PKHD1: variants seen among roughly 807,000 people sequenced by gnomAD.
PKHD1 encodes fibrocystin.
PKHD1 carries 291 observed loss-of-function variants against 412.0 expected under a neutral mutation model. The observed-to-expected ratio is 0.71, with a 90% CI of 0.64 to 0.78. The LOEUF (loss-of-function observed/expected upper bound fraction) is 0.78. PKHD1 is among the 30% of genes least tolerant of loss of function. The pLI, the probability that PKHD1 is intolerant of heterozygous loss-of-function variation, is 0.00. For missense variants in PKHD1, 4,825 were observed against 4,950.7 expected (o/e 0.97, Z 0.76); for synonymous variants, 1,777 against 1,821.5 (o/e 0.98, Z 0.62).
intron 60 of PKHD1, among the ~76,000 whole-genome samples, chr6:51,685,713 C>T (rs766049200): frequency 5.7e-4 from 87 of 152,094 alleles, no homozygotes; most frequent in Non-Finnish European, 1.2e-3. Context: ...CCCGAAGCAA[C>T]TTCTTTGTTT....
At chr6:51,764,665 A>C (rs1166239131) in intron 55 of PKHD1, among the ~76,000 whole-genome samples, 1 of 152,046 alleles carries the variant, frequency 6.6e-6, no homozygotes, top group East Asian at 1.9e-4. Context: ...GAACCAACCC[A>C]AATGTCCAAC....
chr6:51,638,862 G>A lies in PKHD1; in HGVS notation c.11493C>T (p.Val3831=). 1.3e-6 allele frequency: 2 copies of A among 1,577,804 alleles called. No individual in the cohort carries two copies. Among genetic ancestry groups the A allele is most frequent in the Non-Finnish European group, 1.7e-6 (2 of 1,148,208 alleles). The part of the protein sequence containing the change: ...SGSNWHFIFT[V]TSPPGVNFTA... Reference sequence around the variant, plus strand: ...GTATAAAATTACCTGGAGGAGAAGTGACAGTAAAAATAAAGTGCCAGTTTG... The same window carrying A: ...GTATAAAATTACCTGGAGGAGAAGTAACAGTAAAAATAAAGTGCCAGTTTG... Residue 3831 remains valine, a synonymous_variant, in exon 64 of 67, where the codon GTC becomes GTT. Transcript: ENST00000371117.
chr6:51,854,234 A>G (rs1269020691), intron 49 of PKHD1, among the ~76,000 whole-genome samples: 1 of 151,798 alleles, frequency 6.6e-6, no homozygotes, highest in Non-Finnish European at 1.5e-5. Flanking sequence ...GGCCCTATTC[A>G]TCTGATTTGC....
chr6:51,936,350 GT>G (rs1787478780), intron 36 of PKHD1, among the ~76,000 whole-genome samples: 1 of 152,212 alleles, frequency 6.6e-6, no homozygotes, highest in African/African-American at 2.4e-5. Flanking sequence ...AGATAGCAAA[GT>G]ATCAGAAATG....
chr6:51,638,124 T>C (rs2150325201), intron 64 of PKHD1, among the ~76,000 whole-genome samples: 1 of 152,334 alleles, frequency 6.6e-6, no homozygotes, highest in African/African-American at 2.4e-5. Flanking sequence ...TTTTATATAG[T>C]TAAGGATGCA....
intron 46 of PKHD1, among the ~76,000 whole-genome samples, chr6:51,881,250 C>T (rs1018396052): frequency 6.6e-6 from 1 of 151,636 alleles, no homozygotes; most frequent in South Asian, 2.1e-4. Context: ...GAATTTTATT[C>T]TGTATATTTG....
At chr6:52,056,583 T>C in intron 18 of PKHD1, 115 bp downstream of exon 18, 6 of 864,072 alleles carry the variant, frequency 6.9e-6, no homozygotes, top group Middle Eastern at 2.7e-4. Flanking sequence ...CCAGGTTTCA[T>C]ATTTTTTTTT....
chr6:51,981,248 A>C lies in PKHD1; in HGVS notation c.5752-21222T>G, dbSNP rs187662804. Among the ~76,000 whole-genome samples the C allele has an allele frequency of 6.5e-4, 68 of 103,822 alleles. 1 individual carries two copies. The highest frequency in any genetic ancestry group is 1.9e-3 in the African/African-American group (68 of 36,220). 68.1% of individuals were successfully genotyped at this position (103,822 alleles called of 152,430 possible). A position where few individuals can be genotyped will look rare whatever the true frequency, so the allele number is the denominator to read the frequency against. ...TCTTGCAAAAACCTCTGTGCAACCC[A>C]AGCTCAAATTCTTCAAAGGCACTGC... On this transcript the variant is annotated intron_variant, in intron 35 of 66. Coordinates refer to ENST00000371117, the MANE Select transcript of PKHD1 (RefSeq NM_138694.4).
At chr6:51,733,929 C>T (rs547344047) in intron 60 of PKHD1, among the ~76,000 whole-genome samples, 1 of 152,282 alleles carries the variant, frequency 6.6e-6, no homozygotes, top group South Asian at 2.1e-4. Flanking sequence ...AGGTAAAGGG[C>T]ACGTATGCAT....
intron 53 of PKHD1, among the ~76,000 whole-genome samples, chr6:51,777,872 G>A (rs528969139): frequency 6.6e-5 from 10 of 152,146 alleles, no homozygotes; most frequent in African/African-American, 2.2e-4. Context: ...TGGAGCTTTC[G>A]CAGAAAGTCT....
At chr6:52,082,350 T>C in intron 4 of PKHD1, 42 bp downstream of exon 4, 2 of 1,603,430 alleles carry the variant, frequency 1.2e-6, no homozygotes, top group Non-Finnish European at 8.5e-7. Context: ...TAAGCAAAAA[T>C]CCCTCATCCT....
rs74296138 is a variant in PKHD1 at position 51,801,654 on chromosome 6, T to A, written c.8303-10281A>T. On this transcript the variant is annotated intron_variant, in intron 52 of 66. Transcript: ENST00000371117. ...GCTGGCCTGATTGTGTGTGTGTGTG[T>A]GAGAGAGAGAGAGAGAGAGAGAGAG... 7.4e-3 allele frequency among the ~76,000 whole-genome samples: 846 copies of A among 114,224 alleles called. 12 individuals are homozygous for A. Among genetic ancestry groups the A allele is most frequent in the African/African-American group, 0.026 (699 of 26,626 alleles). The allele number at this position is 114,224 out of a possible 152,430, so 74.9% of individuals were successfully genotyped here.
At position 51,747,965 on chromosome 6, in the gene PKHD1, G is replaced by A. The variant is rs1327778944; in HGVS notation, c.9651C>T (p.Asp3217=). The change falls in exon 58 of 67, where the codon GAC becomes GAT. Residue 3217 remains aspartate, a synonymous_variant. Transcript: ENST00000371117. ...AGTTGGCTGAGTGCGGCTTCACTTT[G>A]TCCTGAATGCAGTCAAAAGAAGAGC... is the stretch of plus-strand genomic sequence containing the variant. ...ATSSSFDCIQ[D]KVKPHSANLT... 5 of 1,613,900 alleles carry A rather than the reference G, an allele frequency of 3.1e-6. 1 individual carries two copies. The South Asian group carries it at 5.5e-5, about 18-fold the overall frequency.
intron 56 of PKHD1, among the ~76,000 whole-genome samples, chr6:51,754,345 G>A (rs754031821): frequency 3.3e-5 from 5 of 152,078 alleles, no homozygotes; most frequent in African/African-American, 4.8e-5. Flanking sequence ...TGTCAGGAAG[G>A]ACACATTTCT....
chr6:52,049,897 G>A (rs949567360), intron 22 of PKHD1, among the ~76,000 whole-genome samples: 20 of 152,178 alleles, frequency 1.3e-4, no homozygotes, highest in Admixed American at 7.2e-4. Flanking sequence ...CAGACCAGCA[G>A]AATCAGCATC....
In PKHD1 at chr6:52,024,611, G is replaced by T. The variant is rs148790132; in HGVS notation, c.5199C>A (p.Thr1733=). 2.9e-3 allele frequency: 4,630 copies of T among 1,614,106 alleles called. 102 individuals carry two copies. In the African/African-American group the frequency reaches 0.053, roughly 18 times the overall value. Residue 1733 remains threonine (T), a synonymous_variant, in exon 32 of 67, where the codon ACC becomes ACA. Transcript: ENST00000371117. ...TCACTGCTGTAATAATAACTCTTGA[G>T]GTGAACACCAGGGCAGATGAGGCCC... ...RGWASSALVF[T]SRVIITAVTE... is the part of the protein sequence containing the mutation.
chr6:51,620,800 G>GTA (rs1256932939), intron 66 of PKHD1, among the ~76,000 whole-genome samples: 12 of 142,880 alleles, frequency 8.4e-5, no homozygotes, highest in Non-Finnish European at 1.5e-4. Context: ...ATATATATAT[G>GTA]TATATATATA....
At chr6:51,834,359 T>G (rs972759678) in intron 51 of PKHD1, among the ~76,000 whole-genome samples, 1 of 152,086 alleles carries the variant, frequency 6.6e-6, no homozygotes, top group Non-Finnish European at 1.5e-5. Context: ...TGGGAAAATT[T>G]AGGAAAAGAA....
At chr6:52,052,736 T>G (rs920066836) in intron 21 of PKHD1, among the ~76,000 whole-genome samples, 2 of 152,164 alleles carry the variant, frequency 1.3e-5, no homozygotes, top group Non-Finnish European at 2.9e-5. Flanking sequence ...ATATTAAACT[T>G]TAGTTAATCT....
Sources: gnomAD v4.1 joint callset for allele counts (sites outside exome capture counted in the v4.1 genomes callset) on GRCh38, gnomAD v4.1.1 for gene constraint, MANE v1.5 for transcripts, NCBI Gene and HGNC (gene_info 2026-07-23, HGNC 2026-07-21) for gene names.